The following GCNT1 variants were observed in gnomAD, a reference collection of about 807,000 sequenced individuals.
The protein encoded by GCNT1 is beta-1,3-galactosyl-O-glycosyl-glycoprotein beta-1,6-N-acetylglucosaminyltransferase.
A neutral mutation model predicts 26.2 loss-of-function variants in GCNT1; 16 were observed. That is an observed-to-expected ratio of 0.61 (90% CI 0.41 to 0.93). The LOEUF is 0.93. GCNT1 is among the 40% of genes least tolerant of loss of function. The pLI is 0.00. For synonymous variants in GCNT1, 183 were observed against 190.8 expected (o/e 0.96, Z 0.34); for missense variants, 477 against 526.7 (o/e 0.91, Z 0.92).
At chr9:76,468,392 G>A (rs1193143373) in intron 2 of GCNT1, among the ~76,000 whole-genome samples, 1 of 152,184 alleles carries the variant, frequency 6.6e-6, no homozygotes, top group Non-Finnish European at 1.5e-5. Flanking sequence ...AGCATCTCAG[G>A]TTAGACTTGT....
At chr9:76,463,975 C>T (rs1353800043) in intron 2 of GCNT1, among the ~76,000 whole-genome samples, 3 of 151,462 alleles carry the variant, frequency 2.0e-5, no homozygotes, top group East Asian at 1.9e-4. Context: ...ATGGGAGAAT[C>T]GCTTGAGGCC....
the GCNT1 span, among the ~76,000 whole-genome samples, chr9:76,411,697 C>CTT: frequency 5.9e-3 from 497 of 83,606 alleles, 19 homozygotes; most frequent in African/African-American, 0.023. Context: ...ATCAATTATA[C>CTT]TTTTTTTTTT....
chr9:76,450,507 GT>G (rs1363697644), intron 1 of GCNT1, among the ~76,000 whole-genome samples: 1 of 152,174 alleles, frequency 6.6e-6, no homozygotes, highest in Non-Finnish European at 1.5e-5. Context: ...TAGAAAGTTT[GT>G]AGAAATCTCT....
Position 76,502,227 on chromosome 9 carries a change from C to A in GCNT1, c.-143-12C>A. The A allele has an allele frequency of 2.7e-6, 1 of 364,100 alleles. No homozygotes were observed. The highest frequency in any genetic ancestry group is 4.1e-5 in the East Asian group (1 of 24,658). The allele number at this position is 364,100 out of a possible 1,614,324, so 22.6% of individuals were successfully genotyped here. ...TATTTATTTATATTTATAATTGCTT[C>A]TTTTATTTCAGTGCTGCTCTTCATT... On this transcript the variant is annotated splice_polypyrimidine_tract_variant and intron_variant, in intron 3 of 3. Transcript: ENST00000376730.
the GCNT1 span, among the ~76,000 whole-genome samples, chr9:76,400,446 T>C: frequency 1.2e-4 from 18 of 152,340 alleles, no homozygotes; most frequent in East Asian, 3.3e-3. Context: ...AGTCTCTCTC[T>C]ACTGCTTTTT....
intron 2 of GCNT1, among the ~76,000 whole-genome samples, chr9:76,463,782 CA>C (rs1306034000): frequency 6.6e-6 from 1 of 152,160 alleles, no homozygotes; most frequent in African/African-American, 2.4e-5. Context: ...CAGGCTATCA[CA>C]ATCTTAAGTG....
At chr9:76,455,478 G>A (rs1167368119), upstream of GCNT1, among the ~76,000 whole-genome samples, 1 of 152,206 alleles carries the variant, frequency 6.6e-6, no homozygotes, top group East Asian at 1.9e-4. Context: ...TTGGGGAAAG[G>A]TGGTTCTATG....
chr9:76,503,135 G>A lies in GCNT1; in HGVS notation c.754G>A (p.Glu252Lys). The change falls in exon 4 of 4, where the codon GAA becomes AAA. Residue 252 changes from glutamate (E) to lysine (K), a missense_variant. Transcript: ENST00000376730. Reference protein sequence around the residue: ...LETERMPSHKEERWKKRYEVV... With the variant: ...LETERMPSHKKERWKKRYEVV... Reference sequence around the variant, plus strand: ...AACGGAGAGGATGCCATCCCATAAAGAAGAAAGGTGGAAGAAGCGGTATGA... The same window carrying A: ...AACGGAGAGGATGCCATCCCATAAAAAAGAAAGGTGGAAGAAGCGGTATGA... 6.2e-7 allele frequency: 1 copy of A among 1,614,204 alleles called. No homozygotes were observed. Among genetic ancestry groups the A allele is most frequent in the Non-Finnish European group, 8.5e-7 (1 of 1,180,042 alleles).
chr9:76,424,608 C>A (rs1823236538), intron 1 of GCNT1, among the ~76,000 whole-genome samples: 1 of 152,150 alleles, frequency 6.6e-6, no homozygotes, highest in South Asian at 2.1e-4. Flanking sequence ...ACTAGATAGA[C>A]AAGACCTGGG....
In GCNT1 at chr9:76,506,255, G is replaced by A. The variant is rs571101241; in HGVS notation, c.*2587G>A. 6.0e-6 allele frequency: 1 copy of A among 166,844 alleles called. No homozygotes were observed. The highest frequency in any genetic ancestry group is 1.5e-5 in the Non-Finnish European group (1 of 67,970). 10.3% of individuals were successfully genotyped at this position (166,844 alleles called of 1,614,324 possible). ...ACTGTCATTGAAGGTGTTTTATAGA[G>A]AAATCTGAGAAATCACATTCACAAA... On this transcript the variant is annotated 3_prime_UTR_variant, in exon 4 of 4. Coordinates refer to ENST00000376730, the MANE Select transcript of GCNT1 (RefSeq NM_001490.5).
intron 1 of GCNT1, chr9:76,419,935 C>A (rs1374042315): frequency 6.6e-6 from 1 of 152,242 alleles, no homozygotes; most frequent in African/African-American, 2.4e-5. Context: ...ACAAAGCTGG[C>A]ACCCGGAAAA....
rs1825171248 is a variant in GCNT1 at position 76,504,154 on chromosome 9, TATA to T, written c.*488_*490del. On this transcript the variant is annotated 3_prime_UTR_variant, in exon 4 of 4. Transcript: ENST00000376730. ...TGTTGAAATAGAAATTTGATTGTAC[TATA>T]AATGATTTTTGTAAATAATTTATAT... 5.1e-6 allele frequency: 1 copy of T among 196,096 alleles called. No homozygotes were observed. Among genetic ancestry groups the T allele is most frequent in the Non-Finnish European group, 1.2e-5 (1 of 83,892 alleles). 12.1% of individuals were successfully genotyped at this position (196,096 alleles called of 1,614,324 possible).
chr9:76,428,803 C>A (rs531166248), intron 1 of GCNT1, among the ~76,000 whole-genome samples: 2 of 150,214 alleles, frequency 1.3e-5, no homozygotes, highest in Admixed American at 1.3e-4. Flanking sequence ...TGGGTTCAAG[C>A]GATTCTCCTG....
At chr9:76,478,283 G>T (rs978850370) in intron 2 of GCNT1, among the ~76,000 whole-genome samples, 7 of 152,308 alleles carry the variant, frequency 4.6e-5, no homozygotes, top group South Asian at 4.1e-4. Context: ...AGGGTCTGTG[G>T]CTTCATTTGT....
chr9:76,469,461 A>T (rs1378335720), intron 2 of GCNT1, among the ~76,000 whole-genome samples: 1 of 152,174 alleles, frequency 6.6e-6, no homozygotes, highest in Non-Finnish European at 1.5e-5. Flanking sequence ...ATCAGGACAT[A>T]AACCCAGGCA....
intron 2 of GCNT1, among the ~76,000 whole-genome samples, chr9:76,477,695 T>C (rs1260420419): frequency 6.6e-6 from 1 of 152,226 alleles, no homozygotes; most frequent in African/African-American, 2.4e-5. Flanking sequence ...TTAAGCATAT[T>C]TGCACTGTTG....
upstream of GCNT1, among the ~76,000 whole-genome samples, chr9:76,454,741 G>A (rs188468810): frequency 2.6e-5 from 4 of 151,812 alleles, no homozygotes; most frequent in South Asian, 2.1e-4. Context: ...CTCATCTGCC[G>A]CCGTGTAAGA....
intron 1 of GCNT1, among the ~76,000 whole-genome samples, chr9:76,442,914 A>G (rs992450204): frequency 1.3e-5 from 2 of 151,670 alleles, no homozygotes; most frequent in Admixed American, 1.3e-4. Context: ...TTAAAACAAA[A>G]CAAACACTGG....
At chr9:76,407,697 C>A in the GCNT1 span, among the ~76,000 whole-genome samples, 2 of 152,106 alleles carry the variant, frequency 1.3e-5, no homozygotes, top group African/African-American at 2.4e-5. Flanking sequence ...ATCTATAGAT[C>A]GCATTGAGAA....
Sources: gnomAD v4.1 joint callset for allele counts (sites outside exome capture counted in the v4.1 genomes callset) on GRCh38, gnomAD v4.1.1 for gene constraint, MANE v1.5 for transcripts, NCBI Gene and HGNC (gene_info 2026-07-23, HGNC 2026-07-21) for gene names.